Variants in ULK4 observed in about 807,000 individuals in gnomAD.
ULK4 encodes unc-51 like kinase 4, also known as inactive serine/threonine-protein kinase ULK4.
ULK4 carries 133 observed loss-of-function variants against 160.6 expected under a neutral mutation model. That is an observed-to-expected ratio of 0.83 (90% CI 0.72 to 0.96). The LOEUF (loss-of-function observed/expected upper bound fraction) is 0.96. ULK4 is among the 40% of genes least tolerant of loss of function. The probability of loss-of-function intolerance (pLI) is 0.00; values close to 1 mark genes in which losing one functional copy is unlikely to be tolerated. For synonymous variants in ULK4, 534 were observed against 539.8 expected, an observed-to-expected ratio of 0.99 and a Z score of 0.15; for missense variants, 1,580 against 1,499.5, an observed-to-expected ratio of 1.05 and a Z score of -0.89.
intron 35 of ULK4, among the ~76,000 whole-genome samples, chr3:41,374,997 ACAG>A (rs772273753): frequency 0.034 from 5,064 of 149,790 alleles, 231 homozygotes; most frequent in East Asian, 0.19. Flanking sequence ...CCAGTAACAG[ACAG>A]AGAGCCAAAT....
chr3:41,886,168 T>C (rs2148773758), intron 16 of ULK4, among the ~76,000 whole-genome samples: 1 of 152,294 alleles, frequency 6.6e-6, no homozygotes, highest in South Asian at 2.1e-4. Context: ...TGTCTGACAA[T>C]ATGTGCTGAA....
At chr3:41,856,512 A>ATATATATATAT (rs2042339374) in intron 17 of ULK4, among the ~76,000 whole-genome samples, 2 of 99,188 alleles carry the variant, frequency 2.0e-5, no homozygotes, top group African/African-American at 3.6e-5. Flanking sequence ...TAAATAAATA[A>ATATATATATAT]ATATATATAT....
At chr3:41,388,385 C>A (rs1291821889) in intron 35 of ULK4, among the ~76,000 whole-genome samples, 1 of 151,874 alleles carries the variant, frequency 6.6e-6, no homozygotes, top group Non-Finnish European at 1.5e-5. Flanking sequence ...TTAATTAGAT[C>A]CCATTTGTCA....
intron 22 of ULK4, among the ~76,000 whole-genome samples, chr3:41,722,283 A>T (rs2037498404): frequency 6.6e-6 from 1 of 152,166 alleles, no homozygotes; most frequent in Non-Finnish European, 1.5e-5. Context: ...CACCATGCTC[A>T]AAAGTCCTGC....
intron 11 of ULK4, 66 bp downstream of exon 11, chr3:41,911,251 T>C: frequency 4.7e-6 from 7 of 1,485,336 alleles, no homozygotes; most frequent in East Asian, 4.5e-5. Context: ...TGCACCAAGA[T>C]AGCAGATGCT....
chr3:41,654,150 C>G (rs2034846584), intron 30 of ULK4, among the ~76,000 whole-genome samples: 2 of 152,156 alleles, frequency 1.3e-5, no homozygotes, highest in African/African-American at 4.8e-5. Context: ...GTTCACAAAT[C>G]AAGAAATCCA....
Position 41,455,492 on chromosome 3 carries a change from C to G in ULK4, c.3492+5G>C, listed in dbSNP as rs774499998. On this transcript the variant is annotated splice_donor_5th_base_variant and intron_variant, in intron 34 of 36. Transcript: ENST00000301831. ...GCCCCAAAAGACATACAGGTGAGCT[C>G]TTACCAGTGGAATGAGCAGGCTAAT... 5.0e-6 allele frequency: 8 copies of G among 1,613,614 alleles called. No individual in the cohort carries two copies. Among genetic ancestry groups the G allele is most frequent in the Non-Finnish European group, 6.8e-6 (8 of 1,179,768 alleles).
intron 18 of ULK4, among the ~76,000 whole-genome samples, chr3:41,821,623 C>T (rs2041149366): frequency 1.3e-5 from 2 of 152,296 alleles, no homozygotes; most frequent in Admixed American, 1.3e-4. Context: ...CCTTATTGCT[C>T]CTAAATTTTC....
intron 29 of ULK4, among the ~76,000 whole-genome samples, chr3:41,677,042 G>A (rs1433909101): frequency 6.6e-6 from 1 of 151,310 alleles, no homozygotes; most frequent in Non-Finnish European, 1.5e-5. Flanking sequence ...GAGTAGCTGG[G>A]ACTACAGGTA....
intron 30 of ULK4, among the ~76,000 whole-genome samples, chr3:41,644,360 A>T (rs1029210587): frequency 1.3e-5 from 2 of 151,932 alleles, no homozygotes; most frequent in African/African-American, 2.4e-5. Context: ...ATTTTGAGAT[A>T]TGTCCCATCA....
At chr3:41,472,302 C>A (rs530850706) in intron 32 of ULK4, among the ~76,000 whole-genome samples, 1 of 152,228 alleles carries the variant, frequency 6.6e-6, no homozygotes, top group African/African-American at 2.4e-5. Flanking sequence ...GGCATGGTGG[C>A]TCATGCCTGT....
At chr3:41,524,239 T>G (rs533162316) in intron 32 of ULK4, among the ~76,000 whole-genome samples, 57 of 152,324 alleles carry the variant, frequency 3.7e-4, no homozygotes, top group African/African-American at 1.3e-3. Flanking sequence ...ACACTCTAAA[T>G]GGGTGAACTG....
chr3:41,672,829 T>A (rs2035583707), intron 29 of ULK4, among the ~76,000 whole-genome samples: 1 of 152,030 alleles, frequency 6.6e-6, no homozygotes, highest in African/African-American at 2.4e-5. Context: ...TGTACAAATA[T>A]CATATATCCA....
At chr3:41,943,643 G>C (rs1298082744) in intron 2 of ULK4, among the ~76,000 whole-genome samples, 1 of 152,114 alleles carries the variant, frequency 6.6e-6, no homozygotes, top group Non-Finnish European at 1.5e-5. Flanking sequence ...TGATGACTTT[G>C]CTTATTTCAG....
intron 21 of ULK4, among the ~76,000 whole-genome samples, chr3:41,771,819 T>C (rs1056661307): frequency 2.0e-5 from 3 of 152,218 alleles, no homozygotes; most frequent in African/African-American, 7.2e-5. Flanking sequence ...ATTTAAATTA[T>C]GGAATGTTTC....
At chr3:41,816,821 G>C (rs527560661) in intron 19 of ULK4, among the ~76,000 whole-genome samples, 46 of 152,270 alleles carry the variant, frequency 3.0e-4, no homozygotes, top group African/African-American at 1.1e-3. Flanking sequence ...ATGCCCACCA[G>C]ATTGACAAAA....
At chr3:41,399,998 T>C (rs972402824) in intron 34 of ULK4, among the ~76,000 whole-genome samples, 11 of 152,190 alleles carry the variant, frequency 7.2e-5, no homozygotes, top group African/African-American at 2.7e-4. Flanking sequence ...ATGGTGTAAG[T>C]AGAGATCCAA....
chr3:41,498,155 AAAT>A (rs1350321847), intron 32 of ULK4, among the ~76,000 whole-genome samples: 1 of 152,204 alleles, frequency 6.6e-6, no homozygotes, highest in Non-Finnish European at 1.5e-5. Flanking sequence ...TGCCAGGCCA[AAAT>A]AATAAGTTTA....
chr3:41,295,190 A>ACC (rs1260123578), intron 35 of ULK4, among the ~76,000 whole-genome samples: 63 of 136,802 alleles, frequency 4.6e-4, no homozygotes, highest in African/African-American at 9.1e-4. Flanking sequence ...AGGCAAAACA[A>ACC]TGGAGCAAAC....
Sources: gnomAD v4.1 joint callset for allele counts (sites outside exome capture counted in the v4.1 genomes callset) on GRCh38, gnomAD v4.1.1 for gene constraint, MANE v1.5 for transcripts, NCBI Gene and HGNC (gene_info 2026-07-23, HGNC 2026-07-21) for gene names.